Variants in ENTHD1 observed in about 807,000 individuals in gnomAD.
ENTHD1 encodes the protein ENTH domain-containing protein 1.
In ENTHD1, 23 loss-of-function variants were observed where a neutral mutation model predicts 39.1. The ratio of observed to expected loss-of-function variants is 0.59; its 90% CI spans 0.42 to 0.83. The LOEUF is 0.83. Among genes scored for constraint, ENTHD1 ranks in the 40% least tolerant of loss-of-function variants. The pLI is 0.00. For synonymous variants in ENTHD1, 230 were observed against 258.2 expected, an observed-to-expected ratio of 0.89 and a Z score of 1.05; for missense variants, 624 against 705.4, an observed-to-expected ratio of 0.88 and a Z score of 1.31.
intron 5 of ENTHD1, among the ~76,000 whole-genome samples, chr22:39,784,678 A>C (rs1035567455): frequency 1.6e-4 from 25 of 152,194 alleles, no homozygotes; most frequent in Admixed American, 7.2e-4. Context: ...TAAGCCAGGC[A>C]CAGAAACACA....
At chr22:39,745,864 T>G (rs929924528) in intron 6 of ENTHD1, among the ~76,000 whole-genome samples, 1 of 152,238 alleles carries the variant, frequency 6.6e-6, no homozygotes, top group Non-Finnish European at 1.5e-5. Context: ...ACTGTCTTCT[T>G]GTTTCTAGTA....
At chr22:39,773,548 T>C (rs1728704388) in intron 5 of ENTHD1, among the ~76,000 whole-genome samples, 1 of 152,174 alleles carries the variant, frequency 6.6e-6, no homozygotes, top group Non-Finnish European at 1.5e-5. Context: ...AAAAAAGAAA[T>C]TTATACATTT....
chr22:39,795,434 T>C (rs1363131584), intron 5 of ENTHD1, among the ~76,000 whole-genome samples: 1 of 151,874 alleles, frequency 6.6e-6, no homozygotes, highest in African/African-American at 2.4e-5. Flanking sequence ...TTTCTTTTTT[T>C]GTTCTTTTTG....
At chr22:39,860,666 T>TA (rs1346471336) in intron 3 of ENTHD1, among the ~76,000 whole-genome samples, 3 of 152,234 alleles carry the variant, frequency 2.0e-5, no homozygotes, top group Non-Finnish European at 4.4e-5. Context: ...GTAACATTGT[T>TA]ACATTTTTGC....
At chr22:39,765,895 AC>A (rs931575465) in intron 5 of ENTHD1, among the ~76,000 whole-genome samples, 2 of 151,562 alleles carry the variant, frequency 1.3e-5, no homozygotes, top group African/African-American at 2.4e-5. Flanking sequence ...TTCTCCCTTC[AC>A]CCACTTATCT....
chr22:39,874,052 G>A (rs949356074), intron 2 of ENTHD1, among the ~76,000 whole-genome samples: 1 of 152,162 alleles, frequency 6.6e-6, no homozygotes, highest in African/African-American at 2.4e-5. Context: ...GTGGATGGTG[G>A]CAGGCAAAGA....
intron 6 of ENTHD1, among the ~76,000 whole-genome samples, chr22:39,745,063 A>G (rs1408921621): frequency 1.3e-5 from 2 of 152,250 alleles, no homozygotes; most frequent in African/African-American, 4.8e-5. Flanking sequence ...CAGGCTTCAT[A>G]GTCAATACAC....
chr22:39,874,265 T>A (rs1343670312), intron 2 of ENTHD1: 3 of 152,110 alleles, frequency 2.0e-5, no homozygotes, highest in African/African-American at 7.2e-5. Flanking sequence ...AAAAACAGAT[T>A]GAACTTCATG....
rs567115127 is a variant in ENTHD1, at chr22:39,848,817, TA to T, written c.593-12860del. Among the ~76,000 whole-genome samples the T allele has an allele frequency of 5.3e-5, 8 of 152,368 alleles. No homozygotes were observed. The East Asian group carries it at 1.5e-3, about 29-fold the overall frequency. ...TATGAAATATTTCCCTATTTCAATG[TA>T]AAAAATATATTCTAAATTTTCTTCT... On this transcript the variant is annotated intron_variant, in intron 3 of 6. Coordinates refer to ENST00000325157, the MANE Select transcript of ENTHD1 (RefSeq NM_152512.4).
intron 5 of ENTHD1, among the ~76,000 whole-genome samples, chr22:39,803,307 T>C (rs1166661209): frequency 6.6e-6 from 1 of 151,946 alleles, no homozygotes; most frequent in African/African-American, 2.4e-5. Flanking sequence ...GCTTGGAATG[T>C]TCCTTTCCAG....
intron 6 of ENTHD1, among the ~76,000 whole-genome samples, chr22:39,755,739 A>G (rs1226975060): frequency 6.6e-6 from 1 of 152,164 alleles, no homozygotes; most frequent in Non-Finnish European, 1.5e-5. Flanking sequence ...AAAAATATGT[A>G]CACTTGAATA....
chr22:39,841,900 C>T (rs1487837043), intron 3 of ENTHD1, among the ~76,000 whole-genome samples: 3 of 151,848 alleles, frequency 2.0e-5, no homozygotes, highest in Non-Finnish European at 2.9e-5. Context: ...ATGTTTAGTG[C>T]TTCCTTCAGG....
chr22:39,777,929 A>C (rs1201580927), intron 5 of ENTHD1, among the ~76,000 whole-genome samples: 1 of 152,220 alleles, frequency 6.6e-6, no homozygotes, highest in Non-Finnish European at 1.5e-5. Flanking sequence ...GGTCTCTGGT[A>C]TGTGGATGGT....
At position 39,779,893 on chromosome 22, in the gene ENTHD1, G is replaced by GT. The variant is rs879843739; in HGVS notation, c.833-14285dup. ...ATAACTTGTTATATCTATAAGATGG[G>GT]TTTTTTTTGGTAAGCCTTGTGGTAA... On this transcript the variant is annotated intron_variant, in intron 5 of 6. Coordinates refer to ENST00000325157, the MANE Select transcript of ENTHD1 (RefSeq NM_152512.4). 1.1e-3 allele frequency among the ~76,000 whole-genome samples: 171 copies of GT among 151,832 alleles called. 2 individuals are homozygous for GT. The Middle Eastern group carries it at 0.017, about 15-fold the overall frequency.
chr22:39,764,747 T>C (rs1350922050), intron 6 of ENTHD1, among the ~76,000 whole-genome samples: 1 of 150,618 alleles, frequency 6.6e-6, no homozygotes, highest in Non-Finnish European at 1.5e-5. Flanking sequence ...AAAATATATA[T>C]AATATAAAAA....
chr22:39,835,844 G>A lies in ENTHD1; in HGVS notation c.707C>T (p.Thr236Ile). Residue 236 changes from threonine (T) to isoleucine (I), a missense_variant, in exon 4 of 7, where the codon ACA becomes ATA. Transcript: ENST00000325157. The part of the protein sequence containing the change: ...LPLKIHGWKS[T>I]EDLMTFLDDD... ...TATAGGAAACTATAGACTTACCTCT[G>A]TTGATTTCCAACCATGAATCTTGAG... The A allele has an allele frequency of 6.2e-7, 1 of 1,605,370 alleles. No individual in the cohort carries two copies. Among genetic ancestry groups the A allele is most frequent in the Non-Finnish European group, 8.5e-7 (1 of 1,174,076 alleles).
intron 3 of ENTHD1, among the ~76,000 whole-genome samples, chr22:39,851,625 G>C (rs1259221440): frequency 1.3e-5 from 2 of 152,128 alleles, no homozygotes; most frequent in Non-Finnish European, 2.9e-5. Context: ...TGAGGGTCTG[G>C]GTTCAGCATA....
At chr22:39,765,672 C>A in intron 5 of ENTHD1, 63 bp from the exon 6 acceptor site, 1 of 1,418,814 alleles carries the variant, frequency 7.0e-7, no homozygotes, top group Non-Finnish European at 9.5e-7. Context: ...TATTTCAAAT[C>A]TGTTATAATT....
At chr22:39,764,900 T>C (rs1248025577) in intron 6 of ENTHD1, among the ~76,000 whole-genome samples, 4 of 152,046 alleles carry the variant, frequency 2.6e-5, no homozygotes, top group Non-Finnish European at 4.4e-5. Flanking sequence ...TCTTAATAAG[T>C]AACCTACATG....
Sources: gnomAD v4.1 joint callset for allele counts (sites outside exome capture counted in the v4.1 genomes callset) on GRCh38, gnomAD v4.1.1 for gene constraint, MANE v1.5 for transcripts, NCBI Gene and HGNC (gene_info 2026-07-23, HGNC 2026-07-21) for gene names.